The following NALF1 variants were observed in gnomAD, a reference collection of about 807,000 sequenced individuals.
NALF1 encodes NALCN channel auxiliary factor 1, also known as family with sequence similarity 155 member A.
In NALF1, 3 loss-of-function variants were observed where a neutral mutation model predicts 48.4. That is an observed-to-expected ratio of 0.06 (90% CI 0.03 to 0.16). NALF1 has a LOEUF of 0.16. Among genes scored for constraint, NALF1 ranks in the 10% least tolerant of loss-of-function variants. The pLI is 1.00. For synonymous variants in NALF1, 262 were observed against 245.7 expected, an observed-to-expected ratio of 1.07 and a Z score of -0.62; for missense variants, 526 against 571.5, an observed-to-expected ratio of 0.92 and a Z score of 0.81.
intron 1 of NALF1, among the ~76,000 whole-genome samples, chr13:107,580,064 T>G (rs914400220): frequency 6.6e-6 from 1 of 151,952 alleles, no homozygotes; most frequent in African/African-American, 2.4e-5. Flanking sequence ...CCAATAATGA[T>G]AGACTGGATT....
At chr13:107,253,565 C>T (rs898547601) in intron 1 of NALF1, among the ~76,000 whole-genome samples, 2 of 152,144 alleles carry the variant, frequency 1.3e-5, no homozygotes, top group East Asian at 1.9e-4. Context: ...GAATTCAGGT[C>T]GCATACTTCT....
intron 1 of NALF1, among the ~76,000 whole-genome samples, chr13:107,414,572 A>G (rs1210834760): frequency 6.6e-6 from 1 of 151,414 alleles, no homozygotes; most frequent in African/African-American, 2.4e-5. Flanking sequence ...TGCTCACTCT[A>G]CTATTTTCCC....
chr13:107,281,692 G>C (rs1395668484), intron 1 of NALF1, among the ~76,000 whole-genome samples: 1 of 152,112 alleles, frequency 6.6e-6, no homozygotes, highest in Non-Finnish European at 1.5e-5. Flanking sequence ...GCCTGAGACT[G>C]GGTAATTTAT....
rs58098841 is a variant in NALF1, at chr13:107,732,558, T to C, written c.915+133124A>G. On this transcript the variant is annotated intron_variant, in intron 1 of 2. Transcript: ENST00000375915. Reference sequence around the variant, plus strand: ...CCTAGGGCAGTCTTCCAATGGTTGTTGAATATTTCTCATTTCCTCAGAAGT... The same window carrying C: ...CCTAGGGCAGTCTTCCAATGGTTGTCGAATATTTCTCATTTCCTCAGAAGT... 0.027 allele frequency among the ~76,000 whole-genome samples: 4,082 copies of C among 152,266 alleles called. 311 individuals carry two copies. In the East Asian group the frequency reaches 0.3, roughly 11 times the overall value.
chr13:107,705,514 AT>A (rs1881927744), intron 1 of NALF1, among the ~76,000 whole-genome samples: 3 of 188 alleles, frequency 0.016, no homozygotes, highest in African/African-American at 0.018. Flanking sequence ...TTTTATACAT[AT>A]ATATATATAT....
intron 1 of NALF1, among the ~76,000 whole-genome samples, chr13:107,434,944 A>G (rs1386444563): frequency 6.6e-6 from 1 of 152,170 alleles, no homozygotes; most frequent in Non-Finnish European, 1.5e-5. Context: ...TTTTTCTGTG[A>G]CATCGATCTT....
chr13:107,290,084 C>A (rs9558996), intron 1 of NALF1, among the ~76,000 whole-genome samples: 1 of 151,012 alleles, frequency 6.6e-6, no homozygotes, highest in Non-Finnish European at 1.5e-5. Flanking sequence ...TAGACTTTAT[C>A]GGTTGATTCC....
chr13:107,817,912 T>C (rs972206393), intron 1 of NALF1, among the ~76,000 whole-genome samples: 2 of 152,124 alleles, frequency 1.3e-5, no homozygotes, highest in Non-Finnish European at 2.9e-5. Context: ...CATCCATCCA[T>C]CCACCTGAAA....
chr13:107,680,818 G>A (rs1355603945), intron 1 of NALF1, among the ~76,000 whole-genome samples: 1 of 151,580 alleles, frequency 6.6e-6, no homozygotes, highest in East Asian at 1.9e-4. Flanking sequence ...TGGTGTGAGT[G>A]TATGAGTGTG....
At chr13:107,232,792 T>G (rs1027143717) in intron 1 of NALF1, among the ~76,000 whole-genome samples, 1 of 152,184 alleles carries the variant, frequency 6.6e-6, no homozygotes, top group African/African-American at 2.4e-5. Flanking sequence ...AAAAAGAGCC[T>G]GCAATTTTTT....
intron 1 of NALF1, among the ~76,000 whole-genome samples, chr13:107,268,334 A>G (rs80011972): frequency 0.063 from 9,526 of 152,090 alleles, 479 homozygotes; most frequent in African/African-American, 0.12. Context: ...TGGTTGATGG[A>G]GGGTAACTGA....
At chr13:107,814,089 G>C (rs1161282960) in intron 1 of NALF1, among the ~76,000 whole-genome samples, 1 of 152,108 alleles carries the variant, frequency 6.6e-6, no homozygotes, top group Non-Finnish European at 1.5e-5. Context: ...TCATACAGCA[G>C]ACCACTGATT....
chr13:107,603,826 T>C (rs1286084103), intron 1 of NALF1, among the ~76,000 whole-genome samples: 1 of 152,146 alleles, frequency 6.6e-6, no homozygotes, highest in Non-Finnish European at 1.5e-5. Context: ...TGACTTGCTT[T>C]TTGCACGTTT....
At chr13:107,371,997 G>A (rs1324405425) in intron 1 of NALF1, among the ~76,000 whole-genome samples, 2 of 152,186 alleles carry the variant, frequency 1.3e-5, no homozygotes, top group Non-Finnish European at 2.9e-5. Flanking sequence ...CCACCCCGAA[G>A]AGGCCGTGAT....
At position 107,251,918 on chromosome 13, in the gene NALF1, T is replaced by A. The variant is rs910656090; in HGVS notation, c.916-41163A>T. 2.0e-5 allele frequency among the ~76,000 whole-genome samples: 3 copies of A among 152,224 alleles called. No homozygotes were observed. In the South Asian group the frequency reaches 6.2e-4, roughly 31 times the overall value. Reference sequence around the variant, plus strand: ...TAGTATTTAAAGTGGTAATGTCACATGCTATGGAGAAAAGCAGAGAAGGGT... The same window carrying A: ...TAGTATTTAAAGTGGTAATGTCACAAGCTATGGAGAAAAGCAGAGAAGGGT... On this transcript the variant is annotated intron_variant, in intron 1 of 2. Coordinates refer to ENST00000375915, the MANE Select transcript of NALF1 (RefSeq NM_001080396.3).
chr13:107,810,702 T>C (rs1878962449), intron 1 of NALF1, among the ~76,000 whole-genome samples: 1 of 152,168 alleles, frequency 6.6e-6, no homozygotes, highest in African/African-American at 2.4e-5. Flanking sequence ...TAAGATTGCT[T>C]TGTCTCTCAC....
At chr13:107,271,705 C>G (rs1881169231) in intron 1 of NALF1, among the ~76,000 whole-genome samples, 1 of 149,050 alleles carries the variant, frequency 6.7e-6, no homozygotes, top group African/African-American at 2.5e-5. Context: ...AAGGTAAACC[C>G]TCAGAGCCCT....
intron 1 of NALF1, among the ~76,000 whole-genome samples, chr13:107,399,475 AG>A (rs1883768000): frequency 6.6e-6 from 1 of 151,990 alleles, no homozygotes; most frequent in South Asian, 2.1e-4. Flanking sequence ...CACAGCATAG[AG>A]GGAAGAAATC....
intron 1 of NALF1, among the ~76,000 whole-genome samples, chr13:107,542,712 C>T (rs1463022344): frequency 6.6e-6 from 1 of 152,044 alleles, no homozygotes; most frequent in Non-Finnish European, 1.5e-5. Context: ...GTTAGTAGTT[C>T]TATATGTATT....
Sources: allele counts gnomAD v4.1 joint callset (sites outside exome capture counted in the v4.1 genomes callset), GRCh38; gene constraint gnomAD v4.1.1; transcripts MANE v1.5; gene names NCBI Gene and HGNC (gene_info 2026-07-23, HGNC 2026-07-21).